Variants in MMP16 observed in about 807,000 individuals in gnomAD.
MMP16 encodes the protein matrix metalloproteinase-16.
A neutral mutation model predicts 67.8 loss-of-function variants in MMP16; 12 were observed. The observed-to-expected ratio is 0.18, with a 90% CI of 0.11 to 0.29. The LOEUF is 0.29. MMP16 is among the 10% of genes least tolerant of loss of function. MMP16 has a pLI of 1.00. For synonymous variants in MMP16, 249 were observed against 255.9 expected (o/e 0.97, Z 0.26); for missense variants, 475 against 765.7 (o/e 0.62, Z 4.48).
rs28906971 is a variant in MMP16 at position 88,045,964 on chromosome 8, T to C, written c.1489+705A>G. On this transcript the variant is annotated intron_variant, in intron 9 of 9. Transcript: ENST00000286614. ...TTTTCCTTTGTTCTGAAATATTGCATATAAATTCAATTTCAAATTATTATT... is the reference window on the plus strand; with the variant it reads ...TTTTCCTTTGTTCTGAAATATTGCACATAAATTCAATTTCAAATTATTATT... Among the ~76,000 whole-genome samples, 26 of 152,352 alleles carry C rather than the reference T, an allele frequency of 1.7e-4. No homozygotes were observed. In the East Asian group the frequency reaches 4.2e-3, roughly 25 times the overall value.
intron 4 of MMP16, among the ~76,000 whole-genome samples, chr8:88,165,556 T>C (rs1287616315): frequency 1.3e-5 from 2 of 152,110 alleles, no homozygotes; most frequent in Non-Finnish European, 2.9e-5. Context: ...TTATTTAAAA[T>C]AATTTTAAAA....
At chr8:88,170,184 T>G (rs1259110998) in intron 3 of MMP16, among the ~76,000 whole-genome samples, 1 of 152,230 alleles carries the variant, frequency 6.6e-6, no homozygotes, top group Non-Finnish European at 1.5e-5. Flanking sequence ...ATTTATTTTT[T>G]TGACCTGAGC....
At chr8:88,264,056 A>ATATAT (rs61615270) in intron 1 of MMP16, among the ~76,000 whole-genome samples, 1 of 77,366 alleles carries the variant, frequency 1.3e-5, no homozygotes, top group African/African-American at 4.9e-5. Context: ...ATATATATAT[A>ATATAT]GGGAGAGAGA....
intron 4 of MMP16, among the ~76,000 whole-genome samples, chr8:88,128,639 T>C (rs1367646042): frequency 1.1e-4 from 17 of 151,838 alleles, no homozygotes; most frequent in Admixed American, 6.6e-4. Flanking sequence ...TCAAGCAAGA[T>C]AGAGTCCTCA....
intron 1 of MMP16, among the ~76,000 whole-genome samples, chr8:88,245,088 T>C (rs1224609148): frequency 6.6e-6 from 1 of 152,180 alleles, no homozygotes; most frequent in Non-Finnish European, 1.5e-5. Flanking sequence ...TATTCCTTCT[T>C]TGCCATGTTT....
In MMP16 at chr8:88,154,527, C is replaced by G. The variant is rs934655203; in HGVS notation, c.709+13142G>C. Among the ~76,000 whole-genome samples, 15 of 151,442 alleles carry G rather than the reference C, an allele frequency of 9.9e-5. 1 individual carries two copies. The South Asian group carries it at 1.7e-3, about 17-fold the overall frequency. On this transcript the variant is annotated intron_variant, in intron 4 of 9. Transcript: ENST00000286614. ...TGGGGCACATATACACCATGGAATA[C>G]TATGCAGCCATAAAAAATGATGAGT...
chr8:88,216,262 T>A (rs972782974), intron 1 of MMP16, among the ~76,000 whole-genome samples: 4 of 152,146 alleles, frequency 2.6e-5, no homozygotes, highest in African/African-American at 7.2e-5. Flanking sequence ...GACAGTTTTT[T>A]AAAAAAATTA....
chr8:88,252,518 T>C (rs901106823), intron 1 of MMP16, among the ~76,000 whole-genome samples: 4 of 151,748 alleles, frequency 2.6e-5, no homozygotes, highest in African/African-American at 9.7e-5. Context: ...AATAATCTCT[T>C]ACATGTCAAA....
chr8:88,091,399 T>C (rs1808933635), intron 6 of MMP16, among the ~76,000 whole-genome samples: 1 of 151,890 alleles, frequency 6.6e-6, no homozygotes, highest in African/African-American at 2.4e-5. Context: ...TGGAGGTTAA[T>C]GCTCTTCCAT....
intron 3 of MMP16, among the ~76,000 whole-genome samples, chr8:88,171,546 G>A (rs759853369): frequency 3.9e-5 from 6 of 152,034 alleles, no homozygotes; most frequent in Non-Finnish European, 7.4e-5. Flanking sequence ...TTTATCTTCT[G>A]GAGGCCCACT....
chr8:88,155,649 C>T (rs1808496802), intron 4 of MMP16, among the ~76,000 whole-genome samples: 1 of 151,958 alleles, frequency 6.6e-6, no homozygotes, highest in Non-Finnish European at 1.5e-5. Flanking sequence ...ATTCTTTATC[C>T]TTGGCTTTCA....
chr8:88,148,214 T>C (rs113447051), intron 4 of MMP16, among the ~76,000 whole-genome samples: 23 of 152,248 alleles, frequency 1.5e-4, no homozygotes, highest in African/African-American at 5.3e-4. Context: ...CTCAATTCTG[T>C]GATTCCATTT....
intron 1 of MMP16, among the ~76,000 whole-genome samples, chr8:88,299,081 A>T (rs971822822): frequency 6.6e-6 from 1 of 152,166 alleles, no homozygotes; most frequent in African/African-American, 2.4e-5. Context: ...TCCATGGAAG[A>T]AAAGTCACAA....
intron 6 of MMP16, among the ~76,000 whole-genome samples, chr8:88,106,989 T>C (rs1809253215): frequency 1.3e-5 from 2 of 151,236 alleles, no homozygotes; most frequent in Non-Finnish European, 3.0e-5. Flanking sequence ...AAAGTATATA[T>C]ACACATAATC....
intron 4 of MMP16, among the ~76,000 whole-genome samples, chr8:88,149,665 G>T (rs1280071271): frequency 2.1e-4 from 32 of 151,210 alleles, no homozygotes; most frequent in African/African-American, 7.0e-4. Context: ...CTGTTAGAAG[G>T]AAAACTAACA....
At chr8:88,239,309 A>AAAG (rs1809997008) in intron 1 of MMP16, among the ~76,000 whole-genome samples, 2 of 151,308 alleles carry the variant, frequency 1.3e-5, no homozygotes, top group Non-Finnish European at 2.9e-5. Context: ...AAAAAAAAAA[A>AAAG]AAAAAGAAAA....
intron 1 of MMP16, among the ~76,000 whole-genome samples, chr8:88,215,737 CTG>C (rs1809582093): frequency 1.3e-5 from 2 of 152,114 alleles, no homozygotes; most frequent in Non-Finnish European, 2.9e-5. Context: ...TCACCATCTC[CTG>C]TAGTTTTTCT....
At chr8:88,237,042 C>T (rs116862374) in intron 1 of MMP16, among the ~76,000 whole-genome samples, 4,380 of 152,216 alleles carry the variant, frequency 0.029, 123 homozygotes, top group Non-Finnish European at 0.042. Context: ...AGTTAAATCT[C>T]CGCAACTGCT....
chr8:88,110,611 G>A (rs1459641206), intron 6 of MMP16, among the ~76,000 whole-genome samples: 1 of 151,572 alleles, frequency 6.6e-6, no homozygotes, highest in Admixed American at 6.6e-5. Flanking sequence ...ACACTGTGCT[G>A]TGTGATTTCT....
Sources: allele counts gnomAD v4.1 joint callset (sites outside exome capture counted in the v4.1 genomes callset), GRCh38; gene constraint gnomAD v4.1.1; transcripts MANE v1.5; gene names NCBI Gene and HGNC (gene_info 2026-07-23, HGNC 2026-07-21).